Variants in CNTN4 observed in about 807,000 individuals in gnomAD.
CNTN4 encodes the protein contactin-4.
In CNTN4, 77 loss-of-function variants were observed where a neutral mutation model predicts 122.5. The observed-to-expected ratio is 0.63, with a 90% CI of 0.52 to 0.76. CNTN4 has a LOEUF of 0.76. Ranked by LOEUF, CNTN4 falls within the 30% of genes least tolerant of loss-of-function variation. The probability of loss-of-function intolerance (pLI) is 0.00; values close to 1 mark genes in which losing one functional copy is unlikely to be tolerated. For synonymous variants in CNTN4, 512 were observed against 447.0 expected, an observed-to-expected ratio of 1.15 and a Z score of -1.83; for missense variants, 1,256 against 1,259.1, an observed-to-expected ratio of 1.00 and a Z score of 0.04.
intron 4 of CNTN4, among the ~76,000 whole-genome samples, chr3:2,704,295 TCAAAAAAAAAA>T (rs2086527876): frequency 2.1e-5 from 1 of 48,048 alleles, no homozygotes; most frequent in African/African-American, 9.2e-5. Context: ...AGACTTCATT[TCAAAAAAAAAA>T]AAAAAAAAAA....
intron 4 of CNTN4, among the ~76,000 whole-genome samples, chr3:2,711,838 A>G (rs1324743257): frequency 1.3e-5 from 2 of 152,352 alleles, no homozygotes; most frequent in Non-Finnish European, 2.9e-5. Context: ...AAGACCACCA[A>G]GGGTAACTTG....
intron 10 of CNTN4, among the ~76,000 whole-genome samples, chr3:2,897,930 A>C (rs1351635150): frequency 6.6e-6 from 1 of 152,212 alleles, no homozygotes; most frequent in Non-Finnish European, 1.5e-5. Flanking sequence ...CCAATGCATT[A>C]TCACAAAAGG....
At chr3:2,356,099 C>T (rs950432452) in intron 3 of CNTN4, among the ~76,000 whole-genome samples, 4 of 151,990 alleles carry the variant, frequency 2.6e-5, no homozygotes, top group African/African-American at 4.8e-5. Flanking sequence ...CTGTTGCTTA[C>T]GTCATTTCTA....
intron 2 of CNTN4, among the ~76,000 whole-genome samples, chr3:2,197,566 A>C (rs2037905062): frequency 6.6e-6 from 1 of 152,156 alleles, no homozygotes; most frequent in African/African-American, 2.4e-5. Flanking sequence ...AGGCTTTGTC[A>C]GTCTTCCATG....
chr3:2,136,342 C>T (rs2034690919), intron 2 of CNTN4, among the ~76,000 whole-genome samples: 2 of 152,120 alleles, frequency 1.3e-5, no homozygotes, highest in South Asian at 2.1e-4. Flanking sequence ...TTTGGTTATA[C>T]TAGTTTGTGT....
chr3:2,582,267 T>C (rs2149575144), intron 4 of CNTN4, among the ~76,000 whole-genome samples: 1 of 152,324 alleles, frequency 6.6e-6, no homozygotes, highest in Non-Finnish European at 1.5e-5. Flanking sequence ...AATTCCCTGA[T>C]ACATGATAAA....
chr3:2,183,445 A>G (rs978940130), intron 2 of CNTN4, among the ~76,000 whole-genome samples: 3 of 152,132 alleles, frequency 2.0e-5, no homozygotes, highest in African/African-American at 7.2e-5. Context: ...CCTCTTTACT[A>G]ATTCCATGGC....
intron 2 of CNTN4, among the ~76,000 whole-genome samples, chr3:2,282,314 C>G (rs988306626): frequency 3.3e-5 from 5 of 151,998 alleles, no homozygotes; most frequent in African/African-American, 1.2e-4. Flanking sequence ...CCATTTTTCT[C>G]TAAGGCATCT....
At chr3:2,106,515 C>T (rs570911355) in intron 2 of CNTN4, among the ~76,000 whole-genome samples, 120 of 152,308 alleles carry the variant, frequency 7.9e-4, no homozygotes, top group Non-Finnish European at 1.3e-3. Context: ...TTACACCTTC[C>T]GAAGCAACAG....
chr3:2,918,576 T>A (rs2094394331), intron 12 of CNTN4, among the ~76,000 whole-genome samples: 1 of 152,210 alleles, frequency 6.6e-6, no homozygotes, highest in African/African-American at 2.4e-5. Flanking sequence ...TGACTTCATG[T>A]TGATAGCTTG....
intron 3 of CNTN4, among the ~76,000 whole-genome samples, chr3:2,366,257 C>T (rs1202231559): frequency 6.6e-6 from 1 of 152,118 alleles, no homozygotes; most frequent in South Asian, 2.1e-4. Context: ...TTTTAATTAA[C>T]TGAGAATCCA....
At chr3:2,434,859 G>A (rs2648690) in intron 3 of CNTN4, among the ~76,000 whole-genome samples, 137,609 of 152,194 alleles carry the variant, frequency 0.9, 62,213 homozygotes, top group East Asian at 0.96. Flanking sequence ...CATGTCGCCA[G>A]CGTCCTAAAT....
chr3:2,266,483 C>A (rs1384335054), intron 2 of CNTN4, among the ~76,000 whole-genome samples: 1 of 151,938 alleles, frequency 6.6e-6, no homozygotes, highest in Non-Finnish European at 1.5e-5. Context: ...GCTCTGATAA[C>A]TTTTTAACTC....
chr3:2,932,679 C>A (rs1440664854), intron 13 of CNTN4, among the ~76,000 whole-genome samples: 1 of 151,930 alleles, frequency 6.6e-6, no homozygotes, highest in East Asian at 1.9e-4. Context: ...GTCACTGGAG[C>A]ATCTGTTACT....
At chr3:2,215,776 G>A (rs1220956683) in intron 2 of CNTN4, among the ~76,000 whole-genome samples, 1 of 149,536 alleles carries the variant, frequency 6.7e-6, no homozygotes, top group East Asian at 2.0e-4. Flanking sequence ...CCAGTTACTT[G>A]GGAGATTGAG....
chr3:2,197,241 G>C (rs941885468), intron 2 of CNTN4, among the ~76,000 whole-genome samples: 7 of 152,054 alleles, frequency 4.6e-5, no homozygotes, highest in African/African-American at 7.2e-5. Context: ...GCTTTCTGCG[G>C]ATGCTCTGTT....
At chr3:2,882,611 T>TA (rs886306231) in intron 8 of CNTN4, 1 of 155,040 alleles carries the variant, frequency 6.4e-6, no homozygotes, top group Non-Finnish European at 1.4e-5. Context: ...GTAATAAAAA[T>TA]ACAGGCATTT....
In CNTN4 at chr3:2,402,969, A is replaced by C. The variant is rs75825012; in HGVS notation, c.-89+63736A>C. On this transcript the variant is annotated intron_variant, in intron 3 of 24. Coordinates refer to ENST00000418658, the MANE Select transcript of CNTN4 (RefSeq NM_175607.3). ...AAACTGGGTGGCTTAAATAACATAAATTTATTGTCTTATCGTTCTGGAGGC... is the reference window on the plus strand; with the variant it reads ...AAACTGGGTGGCTTAAATAACATAACTTTATTGTCTTATCGTTCTGGAGGC... Among the ~76,000 whole-genome samples, 579 of 152,178 alleles carry C rather than the reference A, an allele frequency of 3.8e-3. 4 individuals are homozygous for C. Among genetic ancestry groups the C allele is most frequent in the African/African-American group, 0.014 (567 of 41,540 alleles).
At chr3:2,230,270 A>T (rs1253797168) in intron 2 of CNTN4, among the ~76,000 whole-genome samples, 5 of 152,196 alleles carry the variant, frequency 3.3e-5, no homozygotes, top group Non-Finnish European at 7.3e-5. Flanking sequence ...AAATATTAAT[A>T]CCACCTCAAG....
Sources: allele counts gnomAD v4.1 joint callset (sites outside exome capture counted in the v4.1 genomes callset), GRCh38; gene constraint gnomAD v4.1.1; transcripts MANE v1.5; gene names NCBI Gene and HGNC (gene_info 2026-07-23, HGNC 2026-07-21).